The following MYO16 variants were observed in gnomAD, a reference collection of about 807,000 sequenced individuals.
The protein encoded by MYO16 is unconventional myosin-XVI.
Under a neutral mutation model 205.3 loss-of-function variants are expected in MYO16, and 94 were observed. The observed-to-expected ratio is 0.46, with a 90% CI of 0.39 to 0.54. The LOEUF (loss-of-function observed/expected upper bound fraction) is 0.54. MYO16 is among the 20% of genes least tolerant of loss of function. The pLI, the probability that MYO16 is intolerant of heterozygous loss-of-function variation, is 0.00. For synonymous variants in MYO16, 988 were observed against 954.0 expected, an observed-to-expected ratio of 1.04 and a Z score of -0.66; for missense variants, 2,315 against 2,387.5, an observed-to-expected ratio of 0.97 and a Z score of 0.63.
chr13:108,793,033 C>T (rs1158087085), intron 5 of MYO16, among the ~76,000 whole-genome samples: 2 of 152,076 alleles, frequency 1.3e-5, no homozygotes, highest in African/African-American at 4.8e-5. Context: ...CATAACATCC[C>T]AGCACTTTGG....
At chr13:108,631,301 T>C (rs1926515) in intron 1 of MYO16, among the ~76,000 whole-genome samples, 48,856 of 152,018 alleles carry the variant, frequency 0.32, 7,850 homozygotes, top group South Asian at 0.44. Flanking sequence ...GGAGCATGGG[T>C]GGAAGCACAA....
the MYO16 span, among the ~76,000 whole-genome samples, chr13:108,510,518 A>C: frequency 1.2e-5 from 1 of 81,104 alleles, no homozygotes; most frequent in Non-Finnish European, 2.2e-5. Context: ...ACATGTGCAC[A>C]TTGTGCAGGT....
chr13:108,724,646 G>T (rs1314664900), intron 3 of MYO16, among the ~76,000 whole-genome samples: 1 of 151,930 alleles, frequency 6.6e-6, no homozygotes, highest in African/African-American at 2.4e-5. Flanking sequence ...TATTACGCAC[G>T]GTGCATGTTA....
intron 32 of MYO16, among the ~76,000 whole-genome samples, chr13:109,145,496 A>G (rs1566531277): frequency 6.6e-6 from 1 of 152,224 alleles, no homozygotes; most frequent in Admixed American, 6.5e-5. Context: ...TATACTGATG[A>G]TGGGTATGTA....
chr13:108,567,174 A>C, the MYO16 span, among the ~76,000 whole-genome samples: 1 of 152,172 alleles, frequency 6.6e-6, no homozygotes, highest in Non-Finnish European at 1.5e-5. Context: ...AGGATATTGA[A>C]GTAGTTTAGC....
intron 4 of MYO16, among the ~76,000 whole-genome samples, chr13:108,732,548 A>T (rs1884558125): frequency 1.3e-5 from 2 of 152,176 alleles, no homozygotes; most frequent in Admixed American, 1.3e-4. Context: ...AGGGACAGCA[A>T]GGAGACCAGC....
In MYO16 at chr13:109,141,423, C is replaced by A. The variant is rs753687822; in HGVS notation, c.5164+47C>A. 8.1e-7 allele frequency: 1 copy of A among 1,240,578 alleles called. No individual in the cohort carries two copies. The highest frequency in any genetic ancestry group is 1.1e-6 in the Non-Finnish European group (1 of 927,212). The allele number at this position is 1,240,578 out of a possible 1,614,324, so 76.8% of individuals were successfully genotyped here. A position where few individuals can be genotyped will look rare whatever the true frequency, so the allele number is the denominator to read the frequency against. Reference sequence around the variant, plus strand: ...CCACTCCTTTTGCATGGACGCTGTGCTTGCGTGCACCTGTGTACATCCGTG... The same window carrying A: ...CCACTCCTTTTGCATGGACGCTGTGATTGCGTGCACCTGTGTACATCCGTG... On this transcript the variant is annotated intron_variant, in intron 32 of 34. Transcript: ENST00000457511. This position sits in a 1 kb window ranked among gnomAD's most constrained non-coding sequence, Gnocchi z 4.1.
At chr13:108,780,402 C>A (rs555970804) in intron 4 of MYO16, among the ~76,000 whole-genome samples, 1 of 147,808 alleles carries the variant, frequency 6.8e-6, no homozygotes, top group South Asian at 2.1e-4. Context: ...ATTCATTAGG[C>A]TTTTTGCATC....
intron 4 of MYO16, among the ~76,000 whole-genome samples, chr13:108,739,659 T>C (rs1324083744): frequency 6.6e-6 from 1 of 152,174 alleles, no homozygotes; most frequent in Non-Finnish European, 1.5e-5. Context: ...ATTCTCTGTA[T>C]TTCCTGAATT....
intron 20 of MYO16, among the ~76,000 whole-genome samples, chr13:108,977,774 T>C (rs1305229910): frequency 6.6e-6 from 1 of 152,158 alleles, no homozygotes; most frequent in Non-Finnish European, 1.5e-5. Context: ...TTGCTTTAAT[T>C]ACTTCTCATA....
chr13:108,905,837 A>G (rs1332983975), intron 15 of MYO16, among the ~76,000 whole-genome samples: 1 of 152,196 alleles, frequency 6.6e-6, no homozygotes, highest in Non-Finnish European at 1.5e-5. Flanking sequence ...CCATAAGGCC[A>G]TGCTTTTAAC....
At chr13:108,793,336 AGACTATAG>A (rs1177988484) in intron 5 of MYO16, among the ~76,000 whole-genome samples, 172 bp from the exon 6 acceptor site, 1 of 152,214 alleles carries the variant, frequency 6.6e-6, no homozygotes, top group Non-Finnish European at 1.5e-5. Context: ...TATTTTTTAA[AGACTATAG>A]TTGGAAATAG....
intron 9 of MYO16, among the ~76,000 whole-genome samples, chr13:108,830,661 G>T (rs1408981211): frequency 6.7e-6 from 1 of 150,278 alleles, no homozygotes; most frequent in Admixed American, 6.6e-5. Flanking sequence ...CCTAATGCTA[G>T]ATGACGAGTT....
chr13:108,628,507 G>A (rs549167378), upstream of MYO16, among the ~76,000 whole-genome samples: 3 of 152,284 alleles, frequency 2.0e-5, no homozygotes, highest in African/African-American at 4.8e-5. Context: ...TGAGGCTTTA[G>A]CAGGTTAAAT....
intron 27 of MYO16, among the ~76,000 whole-genome samples, chr13:109,072,054 A>G (rs1887939945): frequency 2.0e-5 from 3 of 152,202 alleles, no homozygotes; most frequent in Admixed American, 2.0e-4. Flanking sequence ...AAGAAATGTT[A>G]TCACCAGTGT....
At chr13:109,035,897 C>G (rs1430110067) in intron 23 of MYO16, among the ~76,000 whole-genome samples, 107 of 152,098 alleles carry the variant, frequency 7.0e-4, no homozygotes, top group Non-Finnish European at 1.6e-4. Context: ...CTGGATTTCT[C>G]TCCAATAAAT....
the MYO16 span, among the ~76,000 whole-genome samples, chr13:108,571,768 T>C: frequency 6.9e-6 from 1 of 145,904 alleles, no homozygotes; most frequent in Non-Finnish European, 1.5e-5. Context: ...AGGGCTTTTC[T>C]ATATTTGAAA....
At chr13:108,653,563 A>T (rs962225664) in intron 1 of MYO16, among the ~76,000 whole-genome samples, 10 of 152,036 alleles carry the variant, frequency 6.6e-5, no homozygotes, top group African/African-American at 2.4e-4. Flanking sequence ...TTTGTATATA[A>T]TGTAAAATAA....
intron 1 of MYO16, among the ~76,000 whole-genome samples, chr13:108,640,932 T>C (rs2139377906): frequency 6.6e-6 from 1 of 152,328 alleles, no homozygotes. Flanking sequence ...ATGAGCCTTC[T>C]TGGCAGTACT....
Sources: gnomAD v4.1 joint callset for allele counts (sites outside exome capture counted in the v4.1 genomes callset) on GRCh38, gnomAD v4.1.1 for gene constraint, Gnocchi (gnomAD v3.1) non-coding constraint, MANE v1.5 for transcripts, NCBI Gene and HGNC (gene_info 2026-07-23, HGNC 2026-07-21) for gene names.